WWOX: variants seen among roughly 807,000 people sequenced by gnomAD.
The protein encoded by WWOX is WW domain-containing oxidoreductase.
A neutral mutation model predicts 46.2 loss-of-function variants in WWOX; 69 were observed. The observed-to-expected ratio is 1.49, with a 90% CI of 1.23 to 1.82. The LOEUF is 1.82. Ranked by LOEUF, WWOX falls within the 40% of genes most tolerant of loss-of-function variation. The probability of loss-of-function intolerance (pLI) is 0.00; values close to 1 mark genes in which losing one functional copy is unlikely to be tolerated. For synonymous variants in WWOX, 359 were observed against 202.6 expected (o/e 1.77, Z -6.56); for missense variants, 919 against 542.6 (o/e 1.69, Z -6.89).
chr16:78,877,572 C>G (rs564243644), intron 8 of WWOX, among the ~76,000 whole-genome samples: 8 of 152,306 alleles, frequency 5.3e-5, no homozygotes, highest in African/African-American at 1.9e-4. Flanking sequence ...CTTTGTATTC[C>G]TTGTGGCACT....
chr16:78,674,177 T>C (rs2142212116), intron 8 of WWOX, among the ~76,000 whole-genome samples: 1 of 152,224 alleles, frequency 6.6e-6, no homozygotes, highest in East Asian at 1.9e-4. Context: ...CTTATTGTTT[T>C]GGTTGGATGA....
rs538874946 is a variant in WWOX at position 79,051,115 on chromosome 16, C to T, written c.1057-160493C>T. Among the ~76,000 whole-genome samples, 15 of 152,238 alleles carry T rather than the reference C, an allele frequency of 9.9e-5. No individual in the cohort carries two copies. In the South Asian group the frequency reaches 3.1e-3, roughly 32 times the overall value. Reference sequence around the variant, plus strand: ...TAAAATAAACAGGTGTGACTGCAGCCCTACTCCTCGGGTTGTTTCATGCTG... The same window carrying T: ...TAAAATAAACAGGTGTGACTGCAGCTCTACTCCTCGGGTTGTTTCATGCTG... On this transcript the variant is annotated intron_variant, in intron 8 of 8. Transcript: ENST00000566780.
chr16:78,324,767 G>A (rs1267810343), intron 5 of WWOX, among the ~76,000 whole-genome samples: 4 of 129,632 alleles, frequency 3.1e-5, no homozygotes, highest in Non-Finnish European at 4.8e-5. Context: ...GATGAGTGAT[G>A]ACTCAGGGCT....
intron 8 of WWOX, among the ~76,000 whole-genome samples, chr16:78,956,012 CTT>C (rs926966202): frequency 6.7e-6 from 1 of 149,216 alleles, no homozygotes; most frequent in Non-Finnish European, 1.5e-5. Flanking sequence ...ACAAAAAAAA[CTT>C]TTTTTTTTAG....
At chr16:78,945,645 A>AT (rs66479410) in intron 8 of WWOX, among the ~76,000 whole-genome samples, 3,094 of 151,242 alleles carry the variant, frequency 0.02, 47 homozygotes, top group African/African-American at 0.031. Flanking sequence ...ATTTCTAAGG[A>AT]TTTTTTTTTA....
intron 8 of WWOX, among the ~76,000 whole-genome samples, chr16:79,113,656 C>T (rs571628669): frequency 6.6e-6 from 1 of 152,194 alleles, no homozygotes; most frequent in Non-Finnish European, 1.5e-5. Context: ...ATAAGTTGCA[C>T]TAAACTGCTC....
chr16:79,045,780 C>CTTTTTTTTT (rs770463813), intron 8 of WWOX, among the ~76,000 whole-genome samples: 16 of 54,232 alleles, frequency 3.0e-4, no homozygotes, highest in Non-Finnish European at 4.3e-4. Context: ...TTTTCTTTTC[C>CTTTTTTTTT]TTTTTTTTTT....
chr16:78,527,674 C>A (rs974246540), intron 8 of WWOX, among the ~76,000 whole-genome samples: 2 of 151,854 alleles, frequency 1.3e-5, no homozygotes, highest in Admixed American at 6.6e-5. Context: ...GCTCACTAAC[C>A]CTGTTTAATA....
intron 8 of WWOX, among the ~76,000 whole-genome samples, chr16:78,963,343 C>G (rs942626251): frequency 6.6e-6 from 1 of 152,102 alleles, no homozygotes; most frequent in African/African-American, 2.4e-5. Context: ...GTGGTGTATG[C>G]CTGTGGTCCC....
intron 8 of WWOX, among the ~76,000 whole-genome samples, chr16:79,210,627 A>C (rs140080708): frequency 1.3e-5 from 2 of 152,296 alleles, no homozygotes; most frequent in Non-Finnish European, 2.9e-5. Flanking sequence ...CACATAAATA[A>C]TCATAAGATG....
intron 8 of WWOX, among the ~76,000 whole-genome samples, chr16:78,597,972 C>G (rs1597326207): frequency 2.0e-5 from 3 of 152,070 alleles, no homozygotes; most frequent in Non-Finnish European, 4.4e-5. Context: ...AATAGTGTAG[C>G]TTTAGAAATG....
chr16:79,004,116 G>C (rs939812012), intron 8 of WWOX: 1 of 152,152 alleles, frequency 6.6e-6, no homozygotes, highest in Non-Finnish European at 1.5e-5. Context: ...ATACTTGTCT[G>C]TTATCTCTTT....
chr16:78,903,203 C>A (rs1176553067), intron 8 of WWOX, among the ~76,000 whole-genome samples: 1 of 152,146 alleles, frequency 6.6e-6, no homozygotes, highest in Non-Finnish European at 1.5e-5. Context: ...TTGGGGTACA[C>A]CCCTTATAAA....
At chr16:78,432,814 G>A in intron 8 of WWOX, 62 bp downstream of exon 8, 1 of 1,612,280 alleles carries the variant, frequency 6.2e-7, no homozygotes, top group East Asian at 2.2e-5. Flanking sequence ...GCACACTTGT[G>A]TCTCCACCTT....
chr16:78,607,875 C>T (rs1397729469), intron 8 of WWOX, among the ~76,000 whole-genome samples: 1 of 152,046 alleles, frequency 6.6e-6, no homozygotes, highest in Non-Finnish European at 1.5e-5. Context: ...GCTTAGGGTA[C>T]AAGAGCTTGT....
chr16:78,410,038 G>A (rs1423270865), intron 6 of WWOX, among the ~76,000 whole-genome samples: 1 of 152,160 alleles, frequency 6.6e-6, no homozygotes, highest in South Asian at 2.1e-4. Context: ...GATCATGGGG[G>A]TGGAACCCTC....
intron 6 of WWOX, among the ~76,000 whole-genome samples, chr16:78,387,996 A>G (rs2082095687): frequency 6.6e-6 from 1 of 152,074 alleles, no homozygotes; most frequent in African/African-American, 2.4e-5. Flanking sequence ...ATCTTAAACC[A>G]GATATTCAAA....
intron 8 of WWOX, among the ~76,000 whole-genome samples, chr16:79,077,111 A>G (rs1236923622): frequency 6.6e-6 from 1 of 152,088 alleles, no homozygotes; most frequent in Non-Finnish European, 1.5e-5. Flanking sequence ...GAGGATTTGA[A>G]CCCACTGCTC....
intron 5 of WWOX, among the ~76,000 whole-genome samples, chr16:78,366,078 G>T (rs556402089): frequency 6.6e-6 from 1 of 152,190 alleles, no homozygotes; most frequent in Non-Finnish European, 1.5e-5. Flanking sequence ...TCTGTTCTTA[G>T]CACCCTAAAT....
Sources: gnomAD v4.1 joint callset for allele counts (sites outside exome capture counted in the v4.1 genomes callset) on GRCh38, gnomAD v4.1.1 for gene constraint, MANE v1.5 for transcripts, NCBI Gene and HGNC (gene_info 2026-07-23, HGNC 2026-07-21) for gene names.